The following LONRF3 variants were observed in gnomAD, a reference collection of about 807,000 sequenced individuals.
LONRF3 encodes LON peptidase N-terminal domain and ring finger 3.
Under a neutral mutation model 51.7 loss-of-function variants are expected in LONRF3, and 19 were observed. The observed-to-expected ratio is 0.37, with a 90% CI of 0.26 to 0.54. LONRF3 has a LOEUF of 0.54. Among genes scored for constraint, LONRF3 ranks in the 20% least tolerant of loss-of-function variants. LONRF3 has a pLI of 0.86. For synonymous variants in LONRF3, 265 were observed against 257.8 expected (o/e 1.03, Z -0.27); for missense variants, 521 against 623.9 (o/e 0.84, Z 1.76).
intron 3 of LONRF3, 114 bp downstream of exon 3, chrX:118,983,057 G>A (rs1922691781): frequency 1.3e-6 from 1 of 792,002 alleles, no homozygotes. Context: ...CTGAGTGGGT[G>A]GTTCCCTGGG....
intron 5 of LONRF3, among the ~76,000 whole-genome samples, chrX:119,002,575 T>G (rs748299954): frequency 9.0e-6 from 1 of 111,600 alleles, no homozygotes; most frequent in East Asian, 2.8e-4. Flanking sequence ...TGGACAACAT[T>G]GCTATAAACA....
intron 3 of LONRF3, among the ~76,000 whole-genome samples, chrX:118,987,376 C>G (rs1180081992): frequency 2.8e-5 from 3 of 106,206 alleles, no homozygotes; most frequent in Non-Finnish European, 3.8e-5. Context: ...CTCCTGGTCT[C>G]AAGAGATCCT....
At chrX:118,991,014 C>T (rs1268242953) in intron 5 of LONRF3, among the ~76,000 whole-genome samples, 2 of 111,033 alleles carry the variant, frequency 1.8e-5, no homozygotes, top group Non-Finnish European at 1.9e-5. Context: ...TGTGCCACCA[C>T]GCTTGGCTAA....
Position 119,014,373 on chromosome X carries a change from A to T in LONRF3, c.2124+17A>T, listed in dbSNP as rs368114169. ...GATCCTCAGGTATAGAAAAATGTCTATTTTTAAACGGGTTGTCCCACTAGA... is the reference window on the plus strand; with the variant it reads ...GATCCTCAGGTATAGAAAAATGTCTTTTTTTAAACGGGTTGTCCCACTAGA... On this transcript the variant is annotated intron_variant, in intron 10 of 10. Transcript: ENST00000371628. 2.5e-6 allele frequency: 3 copies of T among 1,198,944 alleles called. No homozygotes were observed. The Admixed American group carries it at 6.6e-5, about 27-fold the overall frequency.
intron 3 of LONRF3, among the ~76,000 whole-genome samples, chrX:118,984,722 C>T (rs5910470): frequency 0.37 from 41,135 of 110,841 alleles, 5,516 homozygotes; most frequent in East Asian, 0.46. Flanking sequence ...AGTGTATGCC[C>T]GTGATGAGTG....
rs1346667177 is a variant in LONRF3 at position 118,981,193 on chromosome X, T to A, written c.937-1628T>A. Among the ~76,000 whole-genome samples, 4 of 109,747 alleles carry A rather than the reference T, an allele frequency of 3.6e-5. No homozygotes were observed. In the Admixed American group the frequency reaches 3.9e-4, roughly 11 times the overall value. On this transcript the variant is annotated intron_variant, in intron 2 of 10. Coordinates refer to ENST00000371628, the MANE Select transcript of LONRF3 (RefSeq NM_001031855.3). ...AGCTGGTTGCCCTGAGCAGGTAGAG[T>A]ATATGGGTTGGCCGGGCATGGTGGC...
intron 4 of LONRF3, 23 bp downstream of exon 4, chrX:118,989,695 A>C: frequency 8.4e-7 from 1 of 1,195,960 alleles, no homozygotes; most frequent in Non-Finnish European, 1.1e-6. Flanking sequence ...CCCAGAGAGA[A>C]GGTAGCTTGG....
chrX:118,975,470 C>T lies in LONRF3; in HGVS notation c.690C>T (p.Ser230=), dbSNP rs776635693. Residue 230 remains serine (S), a synonymous_variant, in exon 1 of 11, where the codon AGC becomes AGT. Transcript: ENST00000371628. ...PPPLRVNVVL[S]GLLGKLFPGP... Reference sequence around the variant, plus strand: ...CGCTGCGAGTCAACGTGGTGCTCAGCGGCCTCCTCGGCAAGTTGTTTCCAG... The same window carrying T: ...CGCTGCGAGTCAACGTGGTGCTCAGTGGCCTCCTCGGCAAGTTGTTTCCAG... The T allele has an allele frequency of 8.4e-7, 1 of 1,195,091 alleles. No homozygotes were observed. The highest frequency in any genetic ancestry group is 1.8e-5 in the African/African-American group (1 of 56,910).
chrX:119,016,105 A>G (rs1925428826), intron 10 of LONRF3, among the ~76,000 whole-genome samples: 1 of 112,031 alleles, frequency 8.9e-6, no homozygotes, highest in Non-Finnish European at 1.9e-5. Context: ...CGATCAGAGG[A>G]ACCAATTTGG....
chrX:119,017,782 C>A lies in LONRF3; in HGVS notation c.*92C>A. 1.1e-6 allele frequency: 1 copy of A among 871,902 alleles called. No homozygotes were observed. The allele number at this position is 871,902 out of a possible 1,213,427, so 71.9% of individuals were successfully genotyped here. Reference sequence around the variant, plus strand: ...ATATCTAATTGCAATAATATCTTAACAGAAGGGGGTGTCAAACAGAGGCAT... The same window carrying A: ...ATATCTAATTGCAATAATATCTTAAAAGAAGGGGGTGTCAAACAGAGGCAT... On this transcript the variant is annotated 3_prime_UTR_variant, in exon 11 of 11. Transcript: ENST00000371628.
chrX:119,006,274 A>G, intron 6 of LONRF3, 39 bp downstream of exon 6: 1 of 991,517 alleles, frequency 1.0e-6, no homozygotes, highest in Non-Finnish European at 1.4e-6. Flanking sequence ...TTAAATCAGT[A>G]TTTCTTTCTT....
At chrX:118,990,334 G>A (rs1265118146) in intron 4 of LONRF3, 136 bp from the exon 5 acceptor site, 7 of 499,165 alleles carry the variant, frequency 1.4e-5, no homozygotes, top group Non-Finnish European at 3.5e-6. Flanking sequence ...CGGCTCAGGT[G>A]TCCACTAAAT....
rs776334276 is a variant in LONRF3, at chrX:119,006,198, A to G, written c.1493A>G (p.Asn498Ser). The G allele has an allele frequency of 8.4e-7, 1 of 1,196,377 alleles. No homozygotes were observed. The highest frequency in any genetic ancestry group is 1.1e-6 in the Non-Finnish European group (1 of 883,940). ...LKCLERCLDHNAKCPLCKDGL... is the reference protein window; with the variant it reads ...LKCLERCLDHSAKCPLCKDGL... ...TGCCTAGAAAGATGCCTAGATCACA[A>G]CGCAAAGTGTCCATTGTGCAAAGAC... Residue 498 changes from asparagine (N) to serine (S), a missense_variant, in exon 6 of 11, where the codon AAC (asparagine) becomes AGC (serine). By Grantham distance (46) the Asn-to-Ser change is conservative (BLOSUM62 1). This residue lies in a region of LONRF3 where 145 missense variants were observed against 247.2 expected (regional missense o/e 0.59). Coordinates refer to ENST00000371628, the MANE Select transcript of LONRF3 (RefSeq NM_001031855.3).
chrX:119,016,938 T>G (rs1388679405), intron 10 of LONRF3, among the ~76,000 whole-genome samples: 2 of 112,243 alleles, frequency 1.8e-5, no homozygotes, highest in Admixed American at 9.4e-5. Flanking sequence ...GACTACATAG[T>G]AGATACCAGC....
chrX:119,002,922 C>T (rs1924436438), intron 5 of LONRF3, among the ~76,000 whole-genome samples: 1 of 110,472 alleles, frequency 9.1e-6, no homozygotes, highest in African/African-American at 3.3e-5. Flanking sequence ...TCTCAGCCTC[C>T]CCAGTAGCTG....
intron 10 of LONRF3, 123 bp downstream of exon 10, chrX:119,014,479 A>G: frequency 1.5e-6 from 1 of 684,726 alleles, no homozygotes; most frequent in South Asian, 3.0e-5. Context: ...GATGGATTTA[A>G]TTTGGTGTTG....
intron 5 of LONRF3, among the ~76,000 whole-genome samples, chrX:118,993,518 G>A (rs1923583113): frequency 8.9e-6 from 1 of 111,903 alleles, no homozygotes; most frequent in Non-Finnish European, 1.9e-5. Flanking sequence ...CCTCCAAGAA[G>A]TCTGGGATTA....
intron 5 of LONRF3, among the ~76,000 whole-genome samples, chrX:119,001,771 T>C (rs1924335616): frequency 8.9e-6 from 1 of 112,889 alleles, no homozygotes; most frequent in African/African-American, 3.2e-5. Context: ...TTGTGTGTGT[T>C]TTATTCATCT....
At chrX:118,983,301 G>A (rs1221538923) in intron 3 of LONRF3, among the ~76,000 whole-genome samples, 1 of 111,580 alleles carries the variant, frequency 9.0e-6, no homozygotes, top group African/African-American at 3.3e-5. Context: ...AGAGATCCAG[G>A]GCATGGGGCT....
Sources: gnomAD v4.1 joint callset for allele counts (sites outside exome capture counted in the v4.1 genomes callset) on GRCh38, gnomAD v4.1.1 for gene constraint, gnomAD v4.1.1 regional missense constraint, MANE v1.5 for transcripts, NCBI Gene and HGNC (gene_info 2026-07-23, HGNC 2026-07-21) for gene names.